The following CCL23 variants were observed in gnomAD, a reference collection of about 807,000 sequenced individuals.
CCL23 encodes C-C motif chemokine 23.
Under a neutral mutation model 11.8 loss-of-function variants are expected in CCL23, and 10 were observed. The observed-to-expected ratio is 0.84, with a 90% CI of 0.52 to 1.43. CCL23 has a LOEUF of 1.43. Among genes scored for constraint, CCL23 ranks in the 40% most tolerant of loss-of-function variants. The pLI is 0.00. For missense variants in CCL23, 181 were observed against 170.9 expected, an observed-to-expected ratio of 1.06 and a Z score of -0.33; for synonymous variants, 60 against 61.0, an observed-to-expected ratio of 0.98 and a Z score of 0.07.
rs1216387130 is a variant in CCL23, at chr17:36,013,215, G to T, written c.396C>A (p.Ile132=). The T allele has an allele frequency of 1.2e-6, 2 of 1,611,510 alleles. No individual in the cohort carries two copies. Among genetic ancestry groups the T allele is most frequent in the South Asian group, 2.2e-5 (2 of 91,018 alleles). Residue 132 remains isoleucine (I), a synonymous_variant, in exon 4 of 4, where the codon ATC becomes ATA. Transcript: ENST00000615050. The part of the protein sequence containing the change: ...CMRMLKLDTR[I]KTRKN ...GACAAGTTCAATTCTTCCTGGTCTTGATCCGTGTGTCCAGCTTCAGCATTC... is the reference window on the plus strand; with the variant it reads ...GACAAGTTCAATTCTTCCTGGTCTTTATCCGTGTGTCCAGCTTCAGCATTC...
rs1019298982 is a variant in CCL23 at position 36,014,236 on chromosome 17, C to T, written c.136+98G>A. 37 of 944,810 alleles carry T rather than the reference C, an allele frequency of 3.9e-5. 1 individual carries two copies. Among genetic ancestry groups the T allele is most frequent in the African/African-American group, 2.1e-4 (13 of 61,948 alleles). 58.5% of individuals were successfully genotyped at this position (944,810 alleles called of 1,614,324 possible). ...ATGTTCACCACCCTCAGGACCCTCT[C>T]ATTCTCCTCCCATTCTGTAAACAGG... On this transcript the variant is annotated intron_variant, in intron 2 of 3. Coordinates refer to ENST00000615050, the MANE Select transcript of CCL23 (RefSeq NM_005064.6).
Position 36,013,836 on chromosome 17 carries a change from G to A in CCL23, c.210C>T (p.Asp70=). ...HAAGFHATSA[D]CCISYTPRSI... is the part of the protein sequence containing the mutation. ...TTCGTGGGGTGTAGGAGATGCAGCAGTCAGCACTAGTAGCATGGAATCCTG... is the reference window on the plus strand; with the variant it reads ...TTCGTGGGGTGTAGGAGATGCAGCAATCAGCACTAGTAGCATGGAATCCTG... Residue 70 remains aspartate (D), a synonymous_variant, in exon 3 of 4, where the codon GAC becomes GAT. Transcript: ENST00000615050. The A allele has an allele frequency of 6.2e-7, 1 of 1,614,152 alleles. No individual in the cohort carries two copies.
chr17:36,015,345 AG>A, intron 1 of CCL23, among the ~76,000 whole-genome samples: 1 of 152,254 alleles, frequency 6.6e-6, no homozygotes, highest in South Asian at 2.1e-4. Flanking sequence ...TTACTTTTTG[AG>A]GCCAAATAGA....
intron 2 of CCL23, 108 bp from the exon 3 acceptor site, chr17:36,014,017 G>T: frequency 8.7e-7 from 1 of 1,153,606 alleles, no homozygotes; most frequent in Non-Finnish European, 1.2e-6. Context: ...TGAGCTGTGT[G>T]TCTGAGGGCA....
At chr17:36,014,472 C>T (rs2090083341) in intron 1 of CCL23, 79 bp from the exon 2 acceptor site, 12 of 1,115,592 alleles carry the variant, frequency 1.1e-5, no homozygotes, top group South Asian at 7.5e-5. Flanking sequence ...CCCCATTGCT[C>T]ATCCTCCTCC....
chr17:36,014,287 T>C, intron 2 of CCL23, 47 bp downstream of exon 2: 1 of 1,371,356 alleles, frequency 7.3e-7, no homozygotes, highest in African/African-American at 1.4e-5. Flanking sequence ...AGTGCAGACC[T>C]GCACCTGCTG....
At chr17:36,016,873 T>C (rs184507156) in intron 1 of CCL23, among the ~76,000 whole-genome samples, 1 of 151,864 alleles carries the variant, frequency 6.6e-6, no homozygotes, top group Admixed American at 6.6e-5. Flanking sequence ...CTTAACATTT[T>C]GAAACATAAA....
Position 36,013,738 on chromosome 17 carries a change from A to G in CCL23, c.302+6T>C, listed in dbSNP as rs756323655. ...TCAACACATGTTTGGTGAGCTTGGC[A>G]CCTACATGACACCCGGCTTGGAGCA... is the stretch of plus-strand genomic sequence containing the variant. On this transcript the variant is annotated splice_donor_region_variant and intron_variant, in intron 3 of 3. Transcript: ENST00000615050. The G allele has an allele frequency of 5.0e-6, 8 of 1,613,772 alleles. No individual in the cohort carries two copies. Among genetic ancestry groups the G allele is most frequent in the Middle Eastern group, 1.7e-4 (1 of 6,026 alleles).
At chr17:36,015,728 C>T (rs1257635872) in intron 1 of CCL23, among the ~76,000 whole-genome samples, 1 of 152,138 alleles carries the variant, frequency 6.6e-6, no homozygotes, top group Non-Finnish European at 1.5e-5. Flanking sequence ...TTGACTGTCT[C>T]ACAGAATAAA....
chr17:36,013,912 G>T lies in CCL23; in HGVS notation c.137-3C>A. 2 of 1,613,372 alleles carry T rather than the reference G, an allele frequency of 1.2e-6. No homozygotes were observed. The highest frequency in any genetic ancestry group is 1.7e-6 in the Non-Finnish European group (2 of 1,179,362). ...ACCAATCTTTCTCCTCCAGAGCACTGTGGAGGGTGAGAAGGCACATGGCTC... is the reference window on the plus strand; with the variant it reads ...ACCAATCTTTCTCCTCCAGAGCACTTTGGAGGGTGAGAAGGCACATGGCTC... On this transcript the variant is annotated splice_region_variant and splice_polypyrimidine_tract_variant and intron_variant, in intron 2 of 3. Coordinates refer to ENST00000615050, the MANE Select transcript of CCL23 (RefSeq NM_005064.6).
At chr17:36,014,278 G>T in intron 2 of CCL23, 56 bp downstream of exon 2, 1 of 1,251,284 alleles carries the variant, frequency 8.0e-7, no homozygotes, top group Non-Finnish European at 1.2e-6. Flanking sequence ...GGATCCCATA[G>T]TGCAGACCTG....
intron 2 of CCL23, 143 bp from the exon 3 acceptor site, chr17:36,014,052 A>T (rs974333044): frequency 1.2e-6 from 1 of 813,132 alleles, no homozygotes; most frequent in Non-Finnish European, 1.9e-6. Context: ...GAGCAGGACC[A>T]GGAAAATTTC....
chr17:36,016,219 A>G (rs1028101292), intron 1 of CCL23, among the ~76,000 whole-genome samples: 11 of 152,178 alleles, frequency 7.2e-5, no homozygotes, highest in African/African-American at 2.4e-4. Flanking sequence ...GCGCAGGTTC[A>G]TTACATAGGT....
intron 1 of CCL23, among the ~76,000 whole-genome samples, chr17:36,015,574 T>G (rs2090091609): frequency 6.6e-6 from 1 of 152,256 alleles, no homozygotes; most frequent in South Asian, 2.1e-4. Context: ...TGAGAAATTC[T>G]GCATTCCAAA....
chr17:36,013,940 A>C, intron 2 of CCL23, 31 bp from the exon 3 acceptor site: 1 of 1,608,682 alleles, frequency 6.2e-7, no homozygotes, highest in African/African-American at 1.3e-5. Context: ...CATGGCTCAG[A>C]AGAGATGTTT....
chr17:36,017,027 G>T (rs1269621970), intron 1 of CCL23, among the ~76,000 whole-genome samples: 2 of 151,976 alleles, frequency 1.3e-5, no homozygotes, highest in African/African-American at 4.8e-5. Flanking sequence ...TATGGTTTGG[G>T]TAAGGTAAAA....
At chr17:36,015,043 A>C (rs993107540) in intron 1 of CCL23, among the ~76,000 whole-genome samples, 2 of 152,154 alleles carry the variant, frequency 1.3e-5, no homozygotes, top group African/African-American at 2.4e-5. Context: ...TCAAATAACT[A>C]TGCAGTTTTC....
Position 36,013,732 on chromosome 17 carries a change from C to G in CCL23, c.302+12G>C, listed in dbSNP as rs1179592684. Reference sequence around the variant, plus strand: ...TCTCCCTCAACACATGTTTGGTGAGCTTGGCACCTACATGACACCCGGCTT... The same window carrying G: ...TCTCCCTCAACACATGTTTGGTGAGGTTGGCACCTACATGACACCCGGCTT... On this transcript the variant is annotated intron_variant, in intron 3 of 3. Coordinates refer to ENST00000615050, the MANE Select transcript of CCL23 (RefSeq NM_005064.6). The G allele has an allele frequency of 6.2e-7, 1 of 1,613,910 alleles. No homozygotes were observed. Among genetic ancestry groups the G allele is most frequent in the East Asian group, 2.2e-5 (1 of 44,872 alleles).
At chr17:36,016,343 G>C (rs1157968095) in intron 1 of CCL23, among the ~76,000 whole-genome samples, 4 of 151,838 alleles carry the variant, frequency 2.6e-5, no homozygotes, top group Non-Finnish European at 5.9e-5. Flanking sequence ...TCCCCGATAG[G>C]CCCCAGTGTG....
Sources: gnomAD v4.1 joint callset for allele counts (sites outside exome capture counted in the v4.1 genomes callset) on GRCh38, gnomAD v4.1.1 for gene constraint, MANE v1.5 for transcripts, NCBI Gene and HGNC (gene_info 2026-07-23, HGNC 2026-07-21) for gene names.